The following STT3B variants were observed in gnomAD, a reference collection of about 807,000 sequenced individuals.
The protein encoded by STT3B is STT3 oligosaccharyltransferase complex catalytic subunit B, also known as dolichyl-diphosphooligosaccharide--protein glycosyltransferase subunit STT3B.
Under a neutral mutation model 96.8 loss-of-function variants are expected in STT3B, and 29 were observed. That is an observed-to-expected ratio of 0.30 (90% CI 0.22 to 0.41). The LOEUF is 0.41. STT3B is among the 10% of genes least tolerant of loss of function. The pLI is 1.00. For synonymous variants in STT3B, 367 were observed against 360.0 expected, an observed-to-expected ratio of 1.02 and a Z score of -0.22; for missense variants, 640 against 1,022.3, an observed-to-expected ratio of 0.63 and a Z score of 5.10.
At chr3:31,588,250 A>G (rs878887938) in intron 3 of STT3B, among the ~76,000 whole-genome samples, 1 of 152,090 alleles carries the variant, frequency 6.6e-6, no homozygotes, top group Non-Finnish European at 1.5e-5. Context: ...GGCCGCATGT[A>G]TATGGACTTT....
At position 31,623,876 on chromosome 3, in the gene STT3B, C is replaced by T. The variant is rs200859852; in HGVS notation, c.1727+15C>T. 132 of 1,553,740 alleles carry T rather than the reference C, an allele frequency of 8.5e-5. No individual in the cohort carries two copies. The highest frequency in any genetic ancestry group is 3.4e-4 in the Middle Eastern group (2 of 5,834). On this transcript the variant is annotated intron_variant, in intron 11 of 15. Transcript: ENST00000295770. ...AATCATGATGGGTAAGAAAATAACT[C>T]GGATACAAAAACATTTTATACTTAC... is the stretch of plus-strand genomic sequence containing the variant.
chr3:31,629,558 G>C, intron 14 of STT3B, 147 bp downstream of exon 14: 1 of 493,184 alleles, frequency 2.0e-6, no homozygotes, highest in South Asian at 3.4e-5. Context: ...ATTAAATTTA[G>C]ATTTCTGAAA....
At chr3:31,623,893 T>C (rs1699479171) in intron 11 of STT3B, 32 bp downstream of exon 11, 1 of 1,498,978 alleles carries the variant, frequency 6.7e-7, no homozygotes, top group South Asian at 1.3e-5. Context: ...AAAAACATTT[T>C]ATACTTACAC....
At chr3:31,562,841 C>T (rs1347940883) in intron 1 of STT3B, among the ~76,000 whole-genome samples, 1 of 152,168 alleles carries the variant, frequency 6.6e-6, no homozygotes, top group Non-Finnish European at 1.5e-5. Flanking sequence ...CAAAATGGCA[C>T]CATGTTGTAG....
rs1392039521 is a variant in STT3B, at chr3:31,532,972, G to C, written c.-27G>C. 5 of 1,576,062 alleles carry C rather than the reference G, an allele frequency of 3.2e-6. No individual in the cohort carries two copies. The South Asian group carries it at 3.4e-5, about 11-fold the overall frequency. On this transcript the variant is annotated 5_prime_UTR_variant, in exon 1 of 16. Coordinates refer to ENST00000295770, the MANE Select transcript of STT3B (RefSeq NM_178862.3). ...ACCAGGCGGCGGCGGCGGAGGAGGA[G>C]AGCTAGACCCGCCGCCGGGGCACAA... is the stretch of plus-strand genomic sequence containing the variant.
intron 1 of STT3B, among the ~76,000 whole-genome samples, chr3:31,540,822 C>T (rs951827334): frequency 6.1e-4 from 93 of 152,094 alleles, no homozygotes; most frequent in Non-Finnish European, 1.5e-4. Flanking sequence ...TGTTGCTGAC[C>T]AAATTTATCT....
chr3:31,580,999 A>G (rs1698372099), intron 3 of STT3B, among the ~76,000 whole-genome samples: 1 of 151,966 alleles, frequency 6.6e-6, no homozygotes. Flanking sequence ...AATAAACTAT[A>G]TAATATTTTA....
intron 5 of STT3B, among the ~76,000 whole-genome samples, chr3:31,601,640 T>A (rs1034734816): frequency 2.6e-5 from 4 of 152,106 alleles, no homozygotes; most frequent in Admixed American, 2.0e-4. Flanking sequence ...GACTGTTGAA[T>A]GGATATGGGG....
intron 13 of STT3B, among the ~76,000 whole-genome samples, chr3:31,627,520 A>G (rs544065930): frequency 7.2e-5 from 11 of 152,336 alleles, no homozygotes; most frequent in Middle Eastern, 3.4e-3. Flanking sequence ...ATGGACATCC[A>G]GCATTGTGCT....
At chr3:31,595,405 G>T (rs745850655) in intron 3 of STT3B, among the ~76,000 whole-genome samples, 1 of 152,058 alleles carries the variant, frequency 6.6e-6, no homozygotes, top group Non-Finnish European at 1.5e-5. Context: ...GTTTTGGCAG[G>T]TGGTGTTGTT....
intron 1 of STT3B, among the ~76,000 whole-genome samples, chr3:31,545,290 C>G (rs1697377979): frequency 6.6e-6 from 1 of 152,074 alleles, no homozygotes; most frequent in Non-Finnish European, 1.5e-5. Context: ...TTTATTTTGG[C>G]TGTTAAAATA....
chr3:31,579,739 AGAGTACATACAT>A, intron 2 of STT3B, 58 bp from the exon 3 acceptor site: 1 of 1,219,266 alleles, frequency 8.2e-7, no homozygotes, highest in Middle Eastern at 2.3e-4. Context: ...GTAATGATGA[AGAGTACATACAT>A]TAATATTTTT....
At chr3:31,619,341 T>C (rs2125474211) in intron 8 of STT3B, among the ~76,000 whole-genome samples, 1 of 152,278 alleles carries the variant, frequency 6.6e-6, no homozygotes, top group Middle Eastern at 3.4e-3. Context: ...CAAAAGGTAA[T>C]GAGACTCGTT....
chr3:31,551,317 A>G (rs1414508802), intron 1 of STT3B, among the ~76,000 whole-genome samples: 1 of 151,886 alleles, frequency 6.6e-6, no homozygotes, highest in African/African-American at 2.4e-5. Flanking sequence ...CCAGGCTCAA[A>G]TGATCCTCCC....
intron 4 of STT3B, among the ~76,000 whole-genome samples, 161 bp downstream of exon 4, chr3:31,597,024 G>T (rs1698808509): frequency 6.6e-6 from 1 of 152,090 alleles, no homozygotes; most frequent in Non-Finnish European, 1.5e-5. Flanking sequence ...GTATACACCT[G>T]CTTTGGTGGA....
intron 3 of STT3B, among the ~76,000 whole-genome samples, chr3:31,594,904 G>A (rs1698751744): frequency 1.3e-5 from 2 of 152,112 alleles, no homozygotes; most frequent in Non-Finnish European, 2.9e-5. Flanking sequence ...CATGGAGTTG[G>A]GGTGCACCAC....
chr3:31,535,601 G>T (rs2125431936), intron 1 of STT3B, among the ~76,000 whole-genome samples: 1 of 152,188 alleles, frequency 6.6e-6, no homozygotes, highest in Non-Finnish European at 1.5e-5. Context: ...TCGGGCGCCT[G>T]TAATCCAGCT....
intron 9 of STT3B, 70 bp from the exon 10 acceptor site, chr3:31,622,027 T>TG: frequency 7.6e-7 from 1 of 1,323,872 alleles, no homozygotes; most frequent in South Asian, 1.2e-5. Context: ...TTTTATAGTT[T>TG]TAAGTATCTA....
At chr3:31,626,204 A>G (rs1393356192) in intron 13 of STT3B, 77 bp downstream of exon 13, 1 of 1,323,428 alleles carries the variant, frequency 7.6e-7, no homozygotes, top group East Asian at 2.3e-5. Context: ...TGCTAATTGC[A>G]TTGTATTTGT....
Sources: allele counts gnomAD v4.1 joint callset (sites outside exome capture counted in the v4.1 genomes callset), GRCh38; gene constraint gnomAD v4.1.1; transcripts MANE v1.5; gene names NCBI Gene and HGNC (gene_info 2026-07-23, HGNC 2026-07-21).